The following KIAA1328 variants were observed in gnomAD, a reference collection of about 807,000 sequenced individuals.
KIAA1328 encodes the protein KIAA1328.
KIAA1328 carries 52 observed loss-of-function variants against 68.1 expected under a neutral mutation model. That is an observed-to-expected ratio of 0.76 (90% CI 0.61 to 0.96). The LOEUF is 0.96. KIAA1328 is among the 40% of genes least tolerant of loss of function. KIAA1328 has a pLI of 0.00. For synonymous variants in KIAA1328, 232 were observed against 239.4 expected (o/e 0.97, Z 0.28); for missense variants, 641 against 677.6 (o/e 0.95, Z 0.60).
At chr18:37,084,863 T>C (rs143167403) in intron 7 of KIAA1328, among the ~76,000 whole-genome samples, 105 of 152,332 alleles carry the variant, frequency 6.9e-4, no homozygotes, top group African/African-American at 2.1e-3. Context: ...ATTGCTGGCC[T>C]AGCGGCTAGG....
intron 4 of KIAA1328, among the ~76,000 whole-genome samples, chr18:36,877,854 A>T (rs1369180987): frequency 1.3e-5 from 2 of 151,344 alleles, no homozygotes; most frequent in Admixed American, 1.3e-4. Context: ...TTTTTATTAG[A>T]GACGGGGTTT....
chr18:36,997,045 A>G (rs1055390878), intron 6 of KIAA1328, among the ~76,000 whole-genome samples: 1 of 152,116 alleles, frequency 6.6e-6, no homozygotes, highest in African/African-American at 2.4e-5. Flanking sequence ...ACTTTCTAGT[A>G]TGAAACTACT....
At chr18:36,974,193 G>A (rs547557646) in intron 6 of KIAA1328, among the ~76,000 whole-genome samples, 1 of 152,150 alleles carries the variant, frequency 6.6e-6, no homozygotes, top group South Asian at 2.1e-4. Context: ...AATTTTAGGG[G>A]TATGAGTATA....
intron 5 of KIAA1328, among the ~76,000 whole-genome samples, chr18:36,948,913 T>A (rs1350444523): frequency 2.0e-5 from 3 of 152,248 alleles, no homozygotes; most frequent in African/African-American, 7.2e-5. Context: ...CCTGATATGT[T>A]TCACTATGCT....
rs1556812093 is a variant in KIAA1328, at chr18:36,893,465, T to TTTG, written c.448+7794_448+7795insTGT. Among the ~76,000 whole-genome samples, 763 of 120,620 alleles carry TTTG rather than the reference T, an allele frequency of 6.3e-3. 10 individuals are homozygous for TTTG. The highest frequency in any genetic ancestry group is 0.02 in the African/African-American group (605 of 30,448). The allele number at this position is 120,620 out of a possible 152,430, so 79.1% of individuals were successfully genotyped here. A position where few individuals can be genotyped will look rare whatever the true frequency, so the allele number is the denominator to read the frequency against. The stretch of plus-strand genomic sequence containing the variant: ...TGTGTGTGTGTGTGTGTGTGTGTTT[T>TTTG]TGTGTGTGTGTGTGTGTGTGTGTGT... On this transcript the variant is annotated intron_variant, in intron 5 of 9. Transcript: ENST00000280020.
In KIAA1328 at chr18:37,129,671, T is replaced by C. The variant is rs559383758; in HGVS notation, c.1233-30529T>C. On this transcript the variant is annotated intron_variant, in intron 7 of 9. Coordinates refer to ENST00000280020, the MANE Select transcript of KIAA1328 (RefSeq NM_020776.3). ...ATTTTCTTTTCAGAGTTAGCCACCC[T>C]AATTTCTTCAATAGTAAATATTTAC... 3.3e-5 allele frequency among the ~76,000 whole-genome samples: 5 copies of C among 152,342 alleles called. No homozygotes were observed. The South Asian group carries it at 1.0e-3, about 32-fold the overall frequency.
intron 7 of KIAA1328, among the ~76,000 whole-genome samples, chr18:37,126,525 G>A (rs771975418): frequency 3.3e-5 from 5 of 151,972 alleles, no homozygotes; most frequent in African/African-American, 4.8e-5. Flanking sequence ...CGTTACTGTC[G>A]AATTCCACCA....
intron 4 of KIAA1328, among the ~76,000 whole-genome samples, chr18:36,884,989 G>A (rs1417889987): frequency 6.6e-6 from 1 of 151,666 alleles, no homozygotes; most frequent in Non-Finnish European, 1.5e-5. Flanking sequence ...TTTGGACTAA[G>A]AATACATGTA....
chr18:36,933,667 C>T (rs979748721), intron 5 of KIAA1328, among the ~76,000 whole-genome samples: 2 of 152,234 alleles, frequency 1.3e-5, no homozygotes, highest in East Asian at 1.9e-4. Flanking sequence ...GGGTTGGGCA[C>T]CAGCTGTTCT....
At chr18:37,188,744 C>T (rs1398832699) in intron 9 of KIAA1328, among the ~76,000 whole-genome samples, 2 of 152,200 alleles carry the variant, frequency 1.3e-5, no homozygotes, top group African/African-American at 4.8e-5. Context: ...TTTTTGTGAA[C>T]AGCAAAATGT....
At chr18:37,092,688 A>G (rs993271658) in intron 7 of KIAA1328, among the ~76,000 whole-genome samples, 1 of 152,100 alleles carries the variant, frequency 6.6e-6, no homozygotes, top group Non-Finnish European at 1.5e-5. Context: ...AAATGTGCAC[A>G]TATCCCAGAA....
At chr18:37,177,738 G>C (rs1347327141) in intron 9 of KIAA1328, among the ~76,000 whole-genome samples, 1 of 151,970 alleles carries the variant, frequency 6.6e-6, no homozygotes, top group Non-Finnish European at 1.5e-5. Flanking sequence ...ATTTTGTGAA[G>C]CTTCTTTTTT....
At chr18:37,044,725 A>G (rs1251594825) in intron 6 of KIAA1328, among the ~76,000 whole-genome samples, 7 of 151,300 alleles carry the variant, frequency 4.6e-5, no homozygotes, top group East Asian at 1.9e-4. Flanking sequence ...TCTTAAACCC[A>G]GAGGCAGAGG....
rs536444847 is a variant in KIAA1328 at position 36,907,677 on chromosome 18, G to T, written c.448+22005G>T. On this transcript the variant is annotated intron_variant, in intron 5 of 9. Transcript: ENST00000280020. ...ATTTTATTAGTTAATATATTGTTAAGAATTTTTGCTTAATGAGAGACAGTC... is the reference window on the plus strand; with the variant it reads ...ATTTTATTAGTTAATATATTGTTAATAATTTTTGCTTAATGAGAGACAGTC... Among the ~76,000 whole-genome samples, 21 of 152,232 alleles carry T rather than the reference G, an allele frequency of 1.4e-4. No individual in the cohort carries two copies. In the South Asian group the frequency reaches 2.3e-3, roughly 17 times the overall value.
At chr18:36,976,676 T>A (rs957947263) in intron 6 of KIAA1328, among the ~76,000 whole-genome samples, 1 of 151,892 alleles carries the variant, frequency 6.6e-6, no homozygotes. Context: ...TATAATTAAT[T>A]AGAATACTAT....
chr18:37,199,086 T>G (rs141444890), intron 9 of KIAA1328, among the ~76,000 whole-genome samples: 1 of 151,590 alleles, frequency 6.6e-6, no homozygotes, highest in Non-Finnish European at 1.5e-5. Flanking sequence ...AGAGGACATG[T>G]TTTTTGTTTT....
intron 9 of KIAA1328, among the ~76,000 whole-genome samples, chr18:37,211,229 TCA>T (rs1233187142): frequency 6.6e-6 from 1 of 152,192 alleles, no homozygotes; most frequent in African/African-American, 2.4e-5. Context: ...GTCTGGGAAG[TCA>T]AGGGGCCTGG....
intron 6 of KIAA1328, among the ~76,000 whole-genome samples, chr18:37,064,118 A>T (rs1335640987): frequency 6.6e-6 from 1 of 152,292 alleles, no homozygotes; most frequent in African/African-American, 2.4e-5. Context: ...TTTGTGAAGT[A>T]GCTTATTAGA....
intron 6 of KIAA1328, among the ~76,000 whole-genome samples, chr18:36,982,472 A>G (rs1480113711): frequency 2.0e-5 from 3 of 151,960 alleles, no homozygotes; most frequent in African/African-American, 7.2e-5. Context: ...AGTGCAAACA[A>G]GAGCACATTA....
Sources: allele counts gnomAD v4.1 joint callset (sites outside exome capture counted in the v4.1 genomes callset), GRCh38; gene constraint gnomAD v4.1.1; transcripts MANE v1.5; gene names NCBI Gene and HGNC (gene_info 2026-07-23, HGNC 2026-07-21).